The following DDX46 variants were observed in gnomAD, a reference collection of about 807,000 sequenced individuals.
DDX46 encodes DEAD-box helicase 46.
In DDX46, 30 loss-of-function variants were observed where a neutral mutation model predicts 134.9. That is an observed-to-expected ratio of 0.22 (90% CI 0.17 to 0.30). The LOEUF is 0.30. DDX46 is among the 10% of genes least tolerant of loss of function. The pLI is 1.00. For synonymous variants in DDX46, 415 were observed against 404.1 expected, an observed-to-expected ratio of 1.03 and a Z score of -0.32; for missense variants, 622 against 1,248.7, an observed-to-expected ratio of 0.50 and a Z score of 7.56.
chr5:134,808,709 T>C (rs1361643407), intron 16 of DDX46, among the ~76,000 whole-genome samples: 7 of 152,208 alleles, frequency 4.6e-5, no homozygotes, highest in African/African-American at 1.2e-4. Context: ...TGTTACTTGC[T>C]TTTTTGACTC....
At chr5:134,823,017 T>C (rs1580822785) in intron 21 of DDX46, among the ~76,000 whole-genome samples, 1 of 152,178 alleles carries the variant, frequency 6.6e-6, no homozygotes, top group South Asian at 2.1e-4. Context: ...TATGTAGCTA[T>C]GAGTATTCTT....
intron 3 of DDX46, among the ~76,000 whole-genome samples, chr5:134,770,363 A>G (rs1753723706): frequency 6.6e-6 from 1 of 151,996 alleles, no homozygotes; most frequent in South Asian, 2.1e-4. Context: ...GGTGCACACC[A>G]CCATACCCAG....
At chr5:134,802,159 C>CTTT (rs542615882) in intron 15 of DDX46, among the ~76,000 whole-genome samples, 483 of 72,888 alleles carry the variant, frequency 6.6e-3, no homozygotes, top group East Asian at 0.013. Flanking sequence ...TAATTTCTTT[C>CTTT]TTTTTTTTTT....
rs1274813325 is a variant in DDX46 at position 134,758,814 on chromosome 5, G to T, written c.-125G>T. On this transcript the variant is annotated 5_prime_UTR_variant, in exon 1 of 23. Transcript: ENST00000452510. ...TGGCCGCGCTGGGATGGCCGCCACAGCTGTAGGTGCTGCTAGTGTTTAGCG... is the reference window on the plus strand; with the variant it reads ...TGGCCGCGCTGGGATGGCCGCCACATCTGTAGGTGCTGCTAGTGTTTAGCG... The T allele has an allele frequency of 2.0e-6, 3 of 1,468,204 alleles. No homozygotes were observed. Among genetic ancestry groups the T allele is most frequent in the Non-Finnish European group, 2.8e-6 (3 of 1,056,818 alleles). 90.9% of individuals were successfully genotyped at this position (1,468,204 alleles called of 1,614,324 possible).
intron 15 of DDX46, among the ~76,000 whole-genome samples, chr5:134,798,335 A>T (rs1350123779): frequency 2.0e-5 from 3 of 151,980 alleles, no homozygotes; most frequent in African/African-American, 7.3e-5. Flanking sequence ...AGTTGCTGGG[A>T]CTATAGGTGC....
intron 13 of DDX46, among the ~76,000 whole-genome samples, 195 bp from the exon 14 acceptor site, chr5:134,794,655 G>C (rs1213756974): frequency 6.6e-6 from 1 of 152,192 alleles, no homozygotes; most frequent in Non-Finnish European, 1.5e-5. Context: ...ATGAGTGACA[G>C]AGATTAATCA....
chr5:134,804,396 G>A (rs1054793912), intron 15 of DDX46, among the ~76,000 whole-genome samples: 2 of 152,150 alleles, frequency 1.3e-5, no homozygotes, highest in African/African-American at 2.4e-5. Flanking sequence ...TCCATTAAGC[G>A]AGACCTGAAA....
At chr5:134,781,591 C>T (rs1754156030) in intron 7 of DDX46, among the ~76,000 whole-genome samples, 1 of 152,090 alleles carries the variant, frequency 6.6e-6, no homozygotes, top group Non-Finnish European at 1.5e-5. Context: ...CTTATTAGAG[C>T]TGTCTCTGAT....
intron 21 of DDX46, 25 bp downstream of exon 21, chr5:134,819,029 A>G (rs201396351): frequency 4.3e-6 from 7 of 1,609,612 alleles, no homozygotes; most frequent in Middle Eastern, 1.7e-4. Context: ...TTCTGTTTCA[A>G]TCTTGAATTT....
At chr5:134,781,494 T>C (rs1754152593) in intron 7 of DDX46, among the ~76,000 whole-genome samples, 2 of 152,088 alleles carry the variant, frequency 1.3e-5, no homozygotes, top group Admixed American at 1.3e-4. Flanking sequence ...GCATACAATA[T>C]GGAGAGAAAA....
chr5:134,815,706 CAAAA>C (rs374562980), intron 18 of DDX46, among the ~76,000 whole-genome samples: 2 of 28,706 alleles, frequency 7.0e-5, no homozygotes, highest in African/African-American at 1.0e-4. Flanking sequence ...GACTCTGTCT[CAAAA>C]AAAAAAAAAA....
chr5:134,759,352 A>G (rs560410453), intron 1 of DDX46, among the ~76,000 whole-genome samples: 2 of 152,182 alleles, frequency 1.3e-5, no homozygotes, highest in African/African-American at 4.8e-5. Context: ...TTGTGCGCGT[A>G]TGATCTTTTC....
In DDX46 at chr5:134,773,815, C is replaced by T. The variant is rs140064519; in HGVS notation, c.567C>T (p.Ile189=). The change falls in exon 5 of 23, where the codon ATC becomes ATT. Residue 189 remains isoleucine (I), a synonymous_variant. Transcript: ENST00000452510. ...ACATAGGAGAACTGAAAAAGGAAAT[C>T]GAAGAGATGAAACAAGGGAAAAAGT... is the stretch of plus-strand genomic sequence containing the variant. The part of the protein sequence containing the change: ...MENIGELKKE[I]EEMKQGKKWS... 1.7e-5 allele frequency: 28 copies of T among 1,611,412 alleles called. No homozygotes were observed. Among genetic ancestry groups the T allele is most frequent in the Non-Finnish European group, 2.3e-5 (27 of 1,179,168 alleles).
intron 15 of DDX46, among the ~76,000 whole-genome samples, chr5:134,806,224 AAAG>A (rs910634561): frequency 4.6e-5 from 7 of 152,100 alleles, no homozygotes; most frequent in African/African-American, 1.7e-4. Context: ...AAAAAAAAAA[AAAG>A]AGACATCCTG....
intron 2 of DDX46, among the ~76,000 whole-genome samples, chr5:134,765,892 A>C (rs1369128464): frequency 1.3e-5 from 2 of 152,222 alleles, no homozygotes; most frequent in African/African-American, 4.8e-5. Context: ...CAATTAATTC[A>C]AGTACTTAAG....
intron 1 of DDX46, among the ~76,000 whole-genome samples, chr5:134,760,466 G>T (rs1052003522): frequency 6.6e-6 from 1 of 152,158 alleles, no homozygotes; most frequent in African/African-American, 2.4e-5. Context: ...CCAGAAAGCG[G>T]GTGGATTGTA....
chr5:134,777,088 T>C (rs570620573), intron 5 of DDX46, among the ~76,000 whole-genome samples: 2 of 152,172 alleles, frequency 1.3e-5, no homozygotes, highest in South Asian at 4.1e-4. Context: ...CGGGCACCTG[T>C]AGTCCCGGTT....
Position 134,826,904 on chromosome 5 carries a change from A to G in DDX46, c.2978-43A>G, listed in dbSNP as rs1260683023. On this transcript the variant is annotated intron_variant, in intron 21 of 22. Coordinates refer to ENST00000452510, the MANE Select transcript of DDX46 (RefSeq NM_001300860.2). Reference sequence around the variant, plus strand: ...TCCGTGATATGGGTAAACACAGTGTAAGTTTAGTAATTTGAATAATATGCT... The same window carrying G: ...TCCGTGATATGGGTAAACACAGTGTGAGTTTAGTAATTTGAATAATATGCT... 7 of 1,590,696 alleles carry G rather than the reference A, an allele frequency of 4.4e-6. No individual in the cohort carries two copies. The East Asian group carries it at 1.3e-4, about 31-fold the overall frequency.
chr5:134,792,005 C>T (rs376004500), intron 13 of DDX46, among the ~76,000 whole-genome samples: 2 of 152,106 alleles, frequency 1.3e-5, no homozygotes, highest in East Asian at 3.9e-4. Context: ...CGTGAAACCC[C>T]GTTTCTACTA....
Sources: allele counts gnomAD v4.1 joint callset (sites outside exome capture counted in the v4.1 genomes callset), GRCh38; gene constraint gnomAD v4.1.1; transcripts MANE v1.5; gene names NCBI Gene and HGNC (gene_info 2026-07-23, HGNC 2026-07-21).